Variants in CACUL1 observed in about 807,000 individuals in gnomAD.
The protein encoded by CACUL1 is CDK2 associated cullin domain 1, also known as CDK2-associated and cullin domain-containing protein 1.
In CACUL1, 13 loss-of-function variants were observed where a neutral mutation model predicts 45.2. That is an observed-to-expected ratio of 0.29 (90% confidence interval 0.19 to 0.46). The LOEUF is 0.46. Ranked by LOEUF, CACUL1 falls within the 20% of genes least tolerant of loss-of-function variation. The pLI is 1.00. For synonymous variants in CACUL1, 197 were observed against 174.2 expected, an observed-to-expected ratio of 1.13 and a Z score of -1.03; for missense variants, 421 against 471.4, an observed-to-expected ratio of 0.89 and a Z score of 0.99.
intron 7 of CACUL1, among the ~76,000 whole-genome samples, chr10:118,687,964 A>C (rs932789994): frequency 1.3e-5 from 2 of 152,254 alleles, no homozygotes; most frequent in Admixed American, 1.3e-4. Context: ...TTGAATTGAC[A>C]AAGTAGTAAC....
intron 4 of CACUL1, among the ~76,000 whole-genome samples, chr10:118,702,965 T>C (rs1845397864): frequency 6.6e-6 from 1 of 152,140 alleles, no homozygotes; most frequent in Admixed American, 6.6e-5. Flanking sequence ...GATTCTCTCT[T>C]AATTTAATTT....
At position 118,685,935 on chromosome 10, in the gene CACUL1, A is replaced by C; in HGVS notation, c.*193T>G. On this transcript the variant is annotated 3_prime_UTR_variant, in exon 9 of 9. Coordinates refer to ENST00000369151, the MANE Select transcript of CACUL1 (RefSeq NM_153810.5). ...CCATTTCAAAATCACCCCCAAGTCT[A>C]GCAGCAACGTTTTTTTTTTTTTTAG... 3 of 411,316 alleles carry C rather than the reference A, an allele frequency of 7.3e-6. No individual in the cohort carries two copies. The highest frequency in any genetic ancestry group is 2.0e-5 in the African/African-American group (1 of 49,446). 25.5% of individuals were successfully genotyped at this position (411,316 alleles called of 1,614,324 possible). A position where few individuals can be genotyped will look rare whatever the true frequency, so the allele number is the denominator to read the frequency against.
chr10:118,717,186 G>A (rs947146682), intron 3 of CACUL1, among the ~76,000 whole-genome samples: 2 of 152,172 alleles, frequency 1.3e-5, no homozygotes, highest in African/African-American at 2.4e-5. Context: ...CCTCTTCCAA[G>A]AAATGAGAGG....
intron 1 of CACUL1, among the ~76,000 whole-genome samples, chr10:118,735,216 A>G (rs1845729360): frequency 6.6e-6 from 1 of 152,274 alleles, no homozygotes. Context: ...AGCTTAAATT[A>G]CATTTGATTT....
intron 7 of CACUL1, among the ~76,000 whole-genome samples, chr10:118,687,631 T>C (rs981019083): frequency 1.3e-5 from 2 of 152,198 alleles, no homozygotes; most frequent in Admixed American, 1.3e-4. Context: ...ATGCCTCTCA[T>C]GAAAGCCCTT....
chr10:118,744,756 A>G lies in CACUL1; in HGVS notation c.367+9640T>C, dbSNP rs180993207. Reference sequence around the variant, plus strand: ...CTGCAACCACCACCTCCTGGGTTCAAGCAATTCTCCTGCCTCAGCCTCCTG... The same window carrying G: ...CTGCAACCACCACCTCCTGGGTTCAGGCAATTCTCCTGCCTCAGCCTCCTG... On this transcript the variant is annotated intron_variant, in intron 1 of 8. Coordinates refer to ENST00000369151, the MANE Select transcript of CACUL1 (RefSeq NM_153810.5). Among the ~76,000 whole-genome samples the G allele has an allele frequency of 2.4e-3, 370 of 152,242 alleles. 2 individuals carry two copies. Among genetic ancestry groups the G allele is most frequent in the African/African-American group, 8.6e-3 (358 of 41,554 alleles).
rs971562424 is a variant in CACUL1 at position 118,684,868 on chromosome 10, A to T, written c.*1260T>A. On this transcript the variant is annotated 3_prime_UTR_variant, in exon 9 of 9. Coordinates refer to ENST00000369151, the MANE Select transcript of CACUL1 (RefSeq NM_153810.5). ...CTCAATTAAGATTCAAGCAAAATTG[A>T]GAAGAAAAGTATTTTTCTCTTGCCA... 6.6e-6 allele frequency: 1 copy of T among 152,234 alleles called. No homozygotes were observed. The highest frequency in any genetic ancestry group is 2.4e-5 in the African/African-American group (1 of 41,462). The allele number at this position is 152,234 out of a possible 1,614,324, so 9.4% of individuals were successfully genotyped here.
intron 1 of CACUL1, among the ~76,000 whole-genome samples, chr10:118,753,588 T>C (rs931612532): frequency 6.6e-6 from 1 of 152,220 alleles, no homozygotes; most frequent in East Asian, 1.9e-4. Flanking sequence ...GAAGCATACA[T>C]ATATCCTGGT....
At chr10:118,723,948 G>C (rs1390508959) in intron 3 of CACUL1, among the ~76,000 whole-genome samples, 2 of 151,988 alleles carry the variant, frequency 1.3e-5, no homozygotes, top group African/African-American at 4.8e-5. Flanking sequence ...TGTATTTGTA[G>C]TAGAGACAGG....
chr10:118,694,065 C>T (rs925067490), intron 6 of CACUL1, among the ~76,000 whole-genome samples: 15 of 152,156 alleles, frequency 9.9e-5, no homozygotes, highest in Admixed American at 1.3e-4. Flanking sequence ...GAGGTTTCAC[C>T]GTGTTAGCCA....
At chr10:118,754,102 C>A (rs911844987) in intron 1 of CACUL1, among the ~76,000 whole-genome samples, 1 of 152,182 alleles carries the variant, frequency 6.6e-6, no homozygotes, top group African/African-American at 2.4e-5. Context: ...TGTTGAGAGA[C>A]TGCCAGTTGT....
intron 1 of CACUL1, among the ~76,000 whole-genome samples, chr10:118,753,001 A>G (rs1845912046): frequency 6.6e-6 from 1 of 152,152 alleles, no homozygotes; most frequent in South Asian, 2.1e-4. Flanking sequence ...TCACAAAAAT[A>G]ATCTTTTGGT....
intron 8 of CACUL1, 42 bp from the exon 9 acceptor site, chr10:118,686,210 A>G: frequency 6.6e-7 from 1 of 1,514,880 alleles, no homozygotes; most frequent in South Asian, 1.1e-5. Context: ...AAGAGCAGAC[A>G]GCATTTGATA....
intron 7 of CACUL1, among the ~76,000 whole-genome samples, chr10:118,688,256 T>C (rs1845227778): frequency 6.6e-6 from 1 of 152,218 alleles, no homozygotes; most frequent in Non-Finnish European, 1.5e-5. Flanking sequence ...AGGCCACTTT[T>C]TAAACACCTC....
At chr10:118,689,271 C>T (rs192848713) in intron 7 of CACUL1, among the ~76,000 whole-genome samples, 11 of 152,304 alleles carry the variant, frequency 7.2e-5, no homozygotes, top group African/African-American at 2.4e-4. Flanking sequence ...GGCATGTGCA[C>T]GTCCTTCCTG....
chr10:118,684,550 G>C lies in CACUL1; in HGVS notation c.*1578C>G, dbSNP rs1845186202. ...AAGTCCACAAAATCCACGAACTCTG[G>C]TTAAGTACTTTAAAAAATAAATCTG... On this transcript the variant is annotated 3_prime_UTR_variant, in exon 9 of 9. Coordinates refer to ENST00000369151, the MANE Select transcript of CACUL1 (RefSeq NM_153810.5). 6.6e-6 allele frequency: 1 copy of C among 152,164 alleles called. No individual in the cohort carries two copies. Among genetic ancestry groups the C allele is most frequent in the South Asian group, 2.1e-4 (1 of 4,832 alleles). The allele number at this position is 152,164 out of a possible 1,614,324, so 9.4% of individuals were successfully genotyped here.
At position 118,679,527 on chromosome 10, in the gene CACUL1, G is replaced by GT. The variant is rs1845131636; in HGVS notation, c.*6600dup. 1 of 151,438 alleles carries GT rather than the reference G, an allele frequency of 6.6e-6. No homozygotes were observed. Among genetic ancestry groups the GT allele is most frequent in the East Asian group, 2.0e-4 (1 of 5,110 alleles). 9.4% of individuals were successfully genotyped at this position (151,438 alleles called of 1,614,324 possible). On this transcript the variant is annotated 3_prime_UTR_variant, in exon 9 of 9. Transcript: ENST00000369151. ...CACTGTGCCAGGCCCAACTTTTTTT[G>GT]TTTTTTGCTTGAGATAGTTTCACTC... is the stretch of plus-strand genomic sequence containing the variant.
intron 3 of CACUL1, 54 bp from the exon 4 acceptor site, chr10:118,707,641 C>A: frequency 1.3e-6 from 1 of 772,358 alleles, no homozygotes; most frequent in Non-Finnish European, 2.1e-6. Flanking sequence ...AAAGACCTTC[C>A]ACCATAATTT....
chr10:118,736,082 G>A (rs1302645927), intron 1 of CACUL1, among the ~76,000 whole-genome samples: 1 of 152,116 alleles, frequency 6.6e-6, no homozygotes, highest in African/African-American at 2.4e-5. Context: ...ACAGGGGGAC[G>A]ACTGAACTCT....
Sources: gnomAD v4.1 joint callset for allele counts (sites outside exome capture counted in the v4.1 genomes callset) on GRCh38, gnomAD v4.1.1 for gene constraint, MANE v1.5 for transcripts, NCBI Gene and HGNC (gene_info 2026-07-23, HGNC 2026-07-21) for gene names.